Variants in TMEM217B observed in about 807,000 individuals in gnomAD.
The protein encoded by TMEM217B is transmembrane protein 217B, also known as putative transmembrane protein 217B.
the TMEM217B span, among the ~76,000 whole-genome samples, chr6:37,243,701 C>T: frequency 1.5e-4 from 23 of 152,238 alleles, no homozygotes; most frequent in Admixed American, 1.0e-3. Context: ...TGGGTTCAAG[C>T]GATTCTCCTG....
At chr6:37,220,938 CAGAT>C in the TMEM217B span, among the ~76,000 whole-genome samples, 1 of 152,012 alleles carries the variant, frequency 6.6e-6, no homozygotes, top group Non-Finnish European at 1.5e-5. Context: ...ATATAATACA[CAGAT>C]ATATATAATA....
chr6:37,212,717 C>T, the TMEM217B span: 1 of 653,276 alleles, frequency 1.5e-6, no homozygotes, highest in Non-Finnish European at 2.8e-6. Flanking sequence ...ATCAGCAGCC[C>T]CATGTAGATA....
the TMEM217B span, among the ~76,000 whole-genome samples, chr6:37,256,980 T>A: frequency 5.3e-5 from 8 of 152,316 alleles, no homozygotes; most frequent in East Asian, 1.2e-3. Flanking sequence ...GCAAGATTTA[T>A]AATAGATTAA....
chr6:37,220,537 T>C, the TMEM217B span, among the ~76,000 whole-genome samples: 11 of 146,980 alleles, frequency 7.5e-5, 1 homozygote, highest in African/African-American at 2.7e-4. Flanking sequence ...ATTGTAATCA[T>C]AGCTGGCCTT....
chr6:37,217,804 G>T, the TMEM217B span: 55 of 985,356 alleles, frequency 5.6e-5, no homozygotes, highest in Non-Finnish European at 6.3e-5. Flanking sequence ...TTAAAGAGTT[G>T]TGGGTTGAAG....
the TMEM217B span, among the ~76,000 whole-genome samples, chr6:37,252,985 G>T: frequency 1.3e-5 from 2 of 152,050 alleles, no homozygotes; most frequent in African/African-American, 2.4e-5. Flanking sequence ...TTAAAGAAAA[G>T]TTCCAGAAGT....
chr6:37,256,698 GTAT>G, the TMEM217B span, among the ~76,000 whole-genome samples: 1 of 138,280 alleles, frequency 7.2e-6, no homozygotes, highest in African/African-American at 2.7e-5. Flanking sequence ...AGGTCTTTAA[GTAT>G]TCTCCAATAT....
At chr6:37,240,327 TG>T in the TMEM217B span, among the ~76,000 whole-genome samples, 1 of 152,192 alleles carries the variant, frequency 6.6e-6, no homozygotes, top group Non-Finnish European at 1.5e-5. Flanking sequence ...GCTCTACTTG[TG>T]GGAGGGAAGT....
At chr6:37,252,633 ATATAT>A in the TMEM217B span, among the ~76,000 whole-genome samples, 62 of 75,260 alleles carry the variant, frequency 8.2e-4, no homozygotes, top group African/African-American at 2.4e-3. Context: ...ATATATATAT[ATATAT>A]TTTTTTTTTT....
chr6:37,257,619 T>C, the TMEM217B span: 1 of 425,484 alleles, frequency 2.4e-6, no homozygotes, highest in East Asian at 4.3e-5. Context: ...TCTCGGCTCG[T>C]CCAAGCTCCG....
the TMEM217B span, chr6:37,212,833 G>A: frequency 7.4e-6 from 8 of 1,078,032 alleles, no homozygotes; most frequent in South Asian, 2.7e-5. Context: ...GACTAGCTCC[G>A]ACTTTGAGTC....
At chr6:37,232,201 T>C in the TMEM217B span, among the ~76,000 whole-genome samples, 1 of 152,184 alleles carries the variant, frequency 6.6e-6, no homozygotes, top group African/African-American at 2.4e-5. Flanking sequence ...AAATAGAATT[T>C]TCCCAAGTTG....
the TMEM217B span, among the ~76,000 whole-genome samples, chr6:37,252,637 ATTTT>A: frequency 7.0e-3 from 499 of 71,246 alleles, no homozygotes; most frequent in African/African-American, 0.021. Flanking sequence ...ATATATATAT[ATTTT>A]TTTTTTTTTT....
the TMEM217B span, among the ~76,000 whole-genome samples, chr6:37,239,609 C>A: frequency 7.2e-5 from 11 of 152,144 alleles, no homozygotes; most frequent in Middle Eastern, 0.01. Flanking sequence ...TTGCAGTTGA[C>A]GGCACCTTAG....
the TMEM217B span, chr6:37,218,576 A>G: frequency 1.2e-6 from 2 of 1,614,176 alleles, no homozygotes; most frequent in Non-Finnish European, 1.7e-6. Context: ...TTTGTAGGTT[A>G]TGTGGGCATA....
chr6:37,250,386 T>C, the TMEM217B span, among the ~76,000 whole-genome samples: 1 of 152,206 alleles, frequency 6.6e-6, no homozygotes, highest in African/African-American at 2.4e-5. Context: ...CTGTGCATAT[T>C]AGTTTTATAC....
the TMEM217B span, among the ~76,000 whole-genome samples, chr6:37,224,627 T>C: frequency 2.7e-5 from 4 of 147,250 alleles, no homozygotes; most frequent in African/African-American, 1.0e-4. Flanking sequence ...AAAAAAAACC[T>C]TTTATTTTTG....
the TMEM217B span, among the ~76,000 whole-genome samples, chr6:37,225,320 CATT>C: frequency 1.3e-5 from 2 of 152,036 alleles, no homozygotes; most frequent in African/African-American, 4.8e-5. Flanking sequence ...AATTATGAGG[CATT>C]ATTCTGTTTC....
the TMEM217B span, chr6:37,218,147 T>C: frequency 8.8e-7 from 1 of 1,130,756 alleles, no homozygotes; most frequent in South Asian, 3.0e-5. Context: ...TGATTGCTTA[T>C]AGTGGTGGAT....
Sources: gnomAD v4.1 joint callset for allele counts (sites outside exome capture counted in the v4.1 genomes callset) on GRCh38, gnomAD v4.1.1 for gene constraint, MANE v1.5 for transcripts, NCBI Gene and HGNC (gene_info 2026-07-23, HGNC 2026-07-21) for gene names.